The following MGLL variants were observed in gnomAD, a reference collection of about 807,000 sequenced individuals.
MGLL encodes the protein monoglyceride lipase.
A neutral mutation model predicts 29.1 loss-of-function variants in MGLL; 7 were observed. That is an observed-to-expected ratio of 0.24 (90% CI 0.14 to 0.45). The LOEUF (loss-of-function observed/expected upper bound fraction) is 0.45, where lower values mean the gene tolerates loss of function less well. Ranked by LOEUF, MGLL falls within the 20% of genes least tolerant of loss-of-function variation. The pLI, the probability that MGLL is intolerant of heterozygous loss-of-function variation, is 0.99. For missense variants in MGLL, 356 were observed against 413.6 expected (o/e 0.86, Z 1.21); for synonymous variants, 148 against 168.3 (o/e 0.88, Z 0.93).
At chr3:127,762,919 GTGTT>G (rs2076791538) in intron 3 of MGLL, among the ~76,000 whole-genome samples, 1 of 152,168 alleles carries the variant, frequency 6.6e-6, no homozygotes, top group South Asian at 2.1e-4. Flanking sequence ...GGCCAGGTCT[GTGTT>G]TGTGCCCTGC....
intron 5 of MGLL, chr3:127,715,920 C>G (rs540669574): frequency 2.3e-5 from 10 of 434,698 alleles, no homozygotes; most frequent in South Asian, 1.7e-4. Flanking sequence ...TTTCAAAATC[C>G]TCGAATAGTC....
At chr3:127,723,367 C>T (rs2075969898) in intron 3 of MGLL, among the ~76,000 whole-genome samples, 1 of 152,228 alleles carries the variant, frequency 6.6e-6, no homozygotes. Flanking sequence ...CTGCCCAGAC[C>T]TTCCCTGCTG....
In MGLL at chr3:127,724,048, G is replaced by C. The variant is rs78356393; in HGVS notation, c.263-1482C>G. 9.0e-3 allele frequency among the ~76,000 whole-genome samples: 1,366 copies of C among 152,308 alleles called. 17 individuals carry two copies. The highest frequency in any genetic ancestry group is 0.031 in the African/African-American group (1,306 of 41,570). The stretch of plus-strand genomic sequence containing the variant: ...GGCAGCCATTTACAAGGCAAGGAGA[G>C]CCTGCAGGAGAAACCAACCCTGCTG... On this transcript the variant is annotated intron_variant, in intron 3 of 7. Coordinates refer to ENST00000265052, the MANE Select transcript of MGLL (RefSeq NM_007283.7).
intron 2 of MGLL, among the ~76,000 whole-genome samples, chr3:127,808,294 C>A (rs147757591): frequency 1.3e-5 from 2 of 152,200 alleles, no homozygotes; most frequent in African/African-American, 4.8e-5. Flanking sequence ...TCTCTTTCAA[C>A]ACTTCTTAGC....
chr3:127,710,568 C>T lies in MGLL; in HGVS notation c.600+8G>A, dbSNP rs757623469. The stretch of plus-strand genomic sequence containing the variant: ...AAGCTACCCCTGGGGTTTCGGAAAG[C>T]CTCTCACCTCTGTCTTATTCCGAGA... On this transcript the variant is annotated splice_region_variant and intron_variant, in intron 6 of 7. Coordinates refer to ENST00000265052, the MANE Select transcript of MGLL (RefSeq NM_007283.7). 2 of 1,551,174 alleles carry T rather than the reference C, an allele frequency of 1.3e-6. No homozygotes were observed. The highest frequency in any genetic ancestry group is 1.2e-5 in the South Asian group (1 of 84,174).
In MGLL at chr3:127,710,611, T is replaced by C. The variant is rs2075691679; in HGVS notation, c.565A>G (p.Ile189Val). The C allele has an allele frequency of 6.4e-7, 1 of 1,572,290 alleles. No homozygotes were observed. Among genetic ancestry groups the C allele is most frequent in the Non-Finnish European group, 8.6e-7 (1 of 1,157,698 alleles). The change falls in exon 6 of 8, where the codon ATC becomes GTC. Residue 189 changes from isoleucine to valine, a missense_variant. Ile to Val is a conservative substitution (Grantham distance 29). Transcript: ENST00000265052. ...LVLPNLSLGP[I>V]DSSVLSRNKT... ...TTCCGAGAGAGCACGCTGGAGTCGA[T>C]GGGCCCGAGGGACAAGTTTGGCAGC...
intron 3 of MGLL, among the ~76,000 whole-genome samples, chr3:127,751,266 G>A (rs144687818): frequency 1.2e-4 from 18 of 152,106 alleles, no homozygotes; most frequent in African/African-American, 3.4e-4. Context: ...TGTCCATGCC[G>A]CTCTGCAAAG....
rs550397485 is a variant in MGLL at position 127,743,508 on chromosome 3, C to G, written c.263-20942G>C. Among the ~76,000 whole-genome samples, 285 of 144,694 alleles carry G rather than the reference C, an allele frequency of 2.0e-3. 1 individual carries two copies. Among genetic ancestry groups the G allele is most frequent in the Middle Eastern group, 0.015 (4 of 270 alleles). 94.9% of individuals were successfully genotyped at this position (144,694 alleles called of 152,430 possible). ...CTTCCTTAGATGAAATGCCATAGGT[C>G]TGTCCCTTTTTGCTGCCACTACAAA... On this transcript the variant is annotated intron_variant, in intron 3 of 7. Transcript: ENST00000265052.
intron 3 of MGLL, among the ~76,000 whole-genome samples, chr3:127,759,545 A>G (rs1009246967): frequency 7.2e-5 from 11 of 152,226 alleles, no homozygotes; most frequent in Non-Finnish European, 1.2e-4. Flanking sequence ...AGCTGTGGGC[A>G]TGTTCTCATG....
chr3:127,753,850 T>C (rs988224915), intron 3 of MGLL, among the ~76,000 whole-genome samples: 2 of 152,044 alleles, frequency 1.3e-5, no homozygotes, highest in African/African-American at 4.8e-5. Context: ...CACAGGCAGG[T>C]CTCCACCGGC....
chr3:127,820,777 T>G (rs1327208044), intron 2 of MGLL, among the ~76,000 whole-genome samples: 1 of 152,208 alleles, frequency 6.6e-6, no homozygotes, highest in Non-Finnish European at 1.5e-5. Context: ...CCATAGCCAG[T>G]CTGTGTAGCT....
At chr3:127,749,195 G>T (rs1432956048) in intron 3 of MGLL, among the ~76,000 whole-genome samples, 1 of 152,206 alleles carries the variant, frequency 6.6e-6, no homozygotes, top group South Asian at 2.1e-4. Flanking sequence ...GCGTGCCGCA[G>T]ACTCTCCATG....
At chr3:127,791,679 C>T (rs917190803) in intron 2 of MGLL, among the ~76,000 whole-genome samples, 3 of 152,190 alleles carry the variant, frequency 2.0e-5, no homozygotes, top group Non-Finnish European at 4.4e-5. Context: ...TCTTGAGGCC[C>T]GGAGTTCCTT....
intron 2 of MGLL, among the ~76,000 whole-genome samples, chr3:127,810,145 C>T (rs1033134085): frequency 2.0e-5 from 3 of 152,152 alleles, no homozygotes; most frequent in African/African-American, 4.8e-5. Flanking sequence ...AAAGGCCACA[C>T]GAGGACACAG....
intron 3 of MGLL, among the ~76,000 whole-genome samples, chr3:127,765,687 G>A (rs551382151): frequency 2.0e-5 from 3 of 152,318 alleles, no homozygotes; most frequent in South Asian, 2.1e-4. Flanking sequence ...ACAGAAACAC[G>A]TACCCCCAAC....
At chr3:127,788,574 TACTGCAACC>T (rs2077251559) in intron 2 of MGLL, among the ~76,000 whole-genome samples, 2 of 152,170 alleles carry the variant, frequency 1.3e-5, no homozygotes, top group Non-Finnish European at 2.9e-5. Context: ...CCCTACCCTG[TACTGCAACC>T]ACAGGGAAAG....
chr3:127,789,901 C>T (rs1276433797), intron 2 of MGLL, among the ~76,000 whole-genome samples: 2 of 152,206 alleles, frequency 1.3e-5, no homozygotes, highest in Non-Finnish European at 2.9e-5. Flanking sequence ...AGACCCAGAA[C>T]AACTTTGCAT....
intron 3 of MGLL, among the ~76,000 whole-genome samples, chr3:127,740,209 C>T (rs967043394): frequency 8.5e-5 from 13 of 152,204 alleles, no homozygotes; most frequent in Admixed American, 3.9e-4. Flanking sequence ...CTTCACTGTC[C>T]GAAGTCACCA....
intron 5 of MGLL, chr3:127,715,839 G>C (rs1407350768): frequency 6.6e-6 from 3 of 456,432 alleles, no homozygotes; most frequent in South Asian, 1.5e-5. Flanking sequence ...AAGCCTCAGA[G>C]GGGAGTTGCT....
Sources: allele counts gnomAD v4.1 joint callset (sites outside exome capture counted in the v4.1 genomes callset), GRCh38; gene constraint gnomAD v4.1.1; transcripts MANE v1.5; gene names NCBI Gene and HGNC (gene_info 2026-07-23, HGNC 2026-07-21).